Variants in ITIH5 observed in about 807,000 individuals in gnomAD.
ITIH5 encodes the protein inter-alpha-trypsin inhibitor heavy chain H5.
A neutral mutation model predicts 77.5 loss-of-function variants in ITIH5; 65 were observed. The ratio of observed to expected loss-of-function variants is 0.84; its 90% CI spans 0.69 to 1.03. The LOEUF is 1.03. ITIH5 is among the 50% of genes least tolerant of loss of function. The pLI is 0.00. For synonymous variants in ITIH5, 525 were observed against 494.3 expected, an observed-to-expected ratio of 1.06 and a Z score of -0.82; for missense variants, 1,208 against 1,213.1, an observed-to-expected ratio of 1.00 and a Z score of 0.06.
At chr10:7,636,729 G>C (rs1422832581) in intron 5 of ITIH5, among the ~76,000 whole-genome samples, 2 of 151,966 alleles carry the variant, frequency 1.3e-5, no homozygotes, top group African/African-American at 4.8e-5. Context: ...TTAATCTCCT[G>C]TTACAGCATG....
Position 7,560,830 on chromosome 10 carries a change from A to C in ITIH5, c.*2253T>G, listed in dbSNP as rs1832027503. On this transcript the variant is annotated 3_prime_UTR_variant, in exon 14 of 14. Coordinates refer to ENST00000397146, the MANE Select transcript of ITIH5 (RefSeq NM_030569.7). ...CCAGATGGTGAAACAGGGTCAAAGC[A>C]AACAAAATGATTCTGGAGGTTCAGT... 1 of 152,216 alleles carries C rather than the reference A, an allele frequency of 6.6e-6. No individual in the cohort carries two copies. Among genetic ancestry groups the C allele is most frequent in the Admixed American group, 6.5e-5 (1 of 15,288 alleles). The allele number at this position is 152,216 out of a possible 1,614,324, so 9.4% of individuals were successfully genotyped here. A position where few individuals can be genotyped will look rare whatever the true frequency, so the allele number is the denominator to read the frequency against.
chr10:7,629,315 G>A lies in ITIH5; in HGVS notation c.652+7913C>T, dbSNP rs112469101. On this transcript the variant is annotated intron_variant, in intron 5 of 13. Transcript: ENST00000397146. ...TTGTAGCGTGTGTCCATGTTGTAGC[G>A]TGTGCCCATGTTGTAGCGTGTGCCC... Among the ~76,000 whole-genome samples the A allele has an allele frequency of 2.9e-3, 236 of 82,358 alleles. 14 individuals carry two copies. Among genetic ancestry groups the A allele is most frequent in the East Asian group, 4.9e-3 (12 of 2,430 alleles). 54.0% of individuals were successfully genotyped at this position (82,358 alleles called of 152,430 possible).
chr10:7,598,651 C>T (rs778933023), intron 7 of ITIH5, among the ~76,000 whole-genome samples: 1 of 152,120 alleles, frequency 6.6e-6, no homozygotes, highest in Non-Finnish European at 1.5e-5. Context: ...TATCGCAACT[C>T]TGATTCAAAA....
At chr10:7,647,189 T>C (rs967338199) in intron 2 of ITIH5, among the ~76,000 whole-genome samples, 2 of 152,226 alleles carry the variant, frequency 1.3e-5, no homozygotes, top group Non-Finnish European at 2.9e-5. Flanking sequence ...GTCCCTGCTC[T>C]CTCATTCATC....
rs749845097 is a variant in ITIH5, at chr10:7,642,059, A to G, written c.167T>C (p.Val56Ala). 8 of 1,614,100 alleles carry G rather than the reference A, an allele frequency of 5.0e-6. No individual in the cohort carries two copies. Among genetic ancestry groups the G allele is most frequent in the Non-Finnish European group, 6.8e-6 (8 of 1,179,940 alleles). ...KTKPLMTEFS[V>A]KSTIISRYAF... ...ATAACGGGAAATGATGGTAGACTTC[A>G]CTGAGAATTCTGTCATCAAAGGTTT... Residue 56 changes from valine to alanine, a missense_variant, in exon 3 of 14, where the codon GTG (valine) becomes GCG (alanine). Transcript: ENST00000397146.
chr10:7,628,851 GT>G lies in ITIH5; in HGVS notation c.652+8376del, dbSNP rs1372217817. On this transcript the variant is annotated intron_variant, in intron 5 of 13. Coordinates refer to ENST00000397146, the MANE Select transcript of ITIH5 (RefSeq NM_030569.7). ...AGCGTGTGTCCCTGTTGTAGCGTGT[GT>G]CCCTGTTGTAGCGTGTGTCCGTGTT... Among the ~76,000 whole-genome samples the G allele has an allele frequency of 6.2e-5, 9 of 145,394 alleles. 1 individual carries two copies. The highest frequency in any genetic ancestry group is 1.2e-4 in the Non-Finnish European group (8 of 64,136).
At chr10:7,594,436 C>T (rs191539016) in intron 7 of ITIH5, among the ~76,000 whole-genome samples, 1 of 152,274 alleles carries the variant, frequency 6.6e-6, no homozygotes, top group East Asian at 1.9e-4. Flanking sequence ...CTGCTTGAGA[C>T]AGGTACCCCC....
chr10:7,609,595 T>C, intron 7 of ITIH5: 2 of 404,314 alleles, frequency 4.9e-6, no homozygotes, highest in South Asian at 1.8e-5. Context: ...ACTTGACTAA[T>C]TCACGTTTGC....
At chr10:7,569,082 T>C (rs1832246493) in intron 12 of ITIH5, 2 of 145,018 alleles carry the variant, frequency 1.4e-5, no homozygotes, top group South Asian at 2.3e-4. Context: ...AGTGGCATGA[T>C]CTCAGCTCAC....
intron 5 of ITIH5, chr10:7,621,588 G>C (rs1248680144): frequency 6.6e-6 from 1 of 152,182 alleles, no homozygotes; most frequent in African/African-American, 2.4e-5. Context: ...GGAAGAAGCA[G>C]ACAGTAAATG....
chr10:7,640,137 G>T (rs1030040981), intron 4 of ITIH5, among the ~76,000 whole-genome samples: 2 of 122,156 alleles, frequency 1.6e-5, no homozygotes, highest in Non-Finnish European at 3.4e-5. Flanking sequence ...TTTAGAGTTA[G>T]GGGGTAACTA....
chr10:7,659,868 C>T (rs1834247161), intron 1 of ITIH5, among the ~76,000 whole-genome samples: 1 of 152,128 alleles, frequency 6.6e-6, no homozygotes, highest in South Asian at 2.1e-4. Context: ...ATACCATCAT[C>T]GTTTTTAGTT....
intron 5 of ITIH5, among the ~76,000 whole-genome samples, chr10:7,631,698 G>A (rs769491752): frequency 3.9e-5 from 6 of 152,150 alleles, no homozygotes; most frequent in South Asian, 2.1e-4. Context: ...AAAACTTGTC[G>A]GTGGAAAAGA....
chr10:7,559,624 G>A lies in ITIH5; in HGVS notation c.*3459C>T, dbSNP rs76061127. On this transcript the variant is annotated 3_prime_UTR_variant, in exon 14 of 14. Transcript: ENST00000397146. The stretch of plus-strand genomic sequence containing the variant: ...AAGAATTAACGTTTTGAATGATTTG[G>A]TGTCTTAGTCAGCTTGGGCTGCCTT... 0.028 allele frequency: 7,714 copies of A among 271,954 alleles called. 590 individuals carry two copies. Among genetic ancestry groups the A allele is most frequent in the African/African-American group, 0.16 (7,090 of 43,744 alleles). The allele number at this position is 271,954 out of a possible 1,614,324, so 16.8% of individuals were successfully genotyped here. A position where few individuals can be genotyped will look rare whatever the true frequency, so the allele number is the denominator to read the frequency against.
intron 7 of ITIH5, among the ~76,000 whole-genome samples, chr10:7,611,075 G>C (rs1397616129): frequency 6.6e-6 from 1 of 152,194 alleles, no homozygotes; most frequent in Non-Finnish European, 1.5e-5. Context: ...TTGCACTTCT[G>C]CCAGCTGCAT....
intron 5 of ITIH5, among the ~76,000 whole-genome samples, chr10:7,629,295 G>A (rs1480991753): frequency 1.8e-5 from 2 of 113,946 alleles, no homozygotes; most frequent in African/African-American, 4.1e-5. Flanking sequence ...CCCTGTTGTA[G>A]CGTGTGTCCA....
At chr10:7,644,365 A>G (rs905941313) in intron 2 of ITIH5, among the ~76,000 whole-genome samples, 2 of 146,822 alleles carry the variant, frequency 1.4e-5, no homozygotes, top group Admixed American at 6.9e-5. Context: ...TATCATATAT[A>G]TCACATATAT....
At chr10:7,618,078 C>T (rs1833404191) in intron 5 of ITIH5, 1 of 151,940 alleles carries the variant, frequency 6.6e-6, no homozygotes, top group Admixed American at 6.6e-5. Flanking sequence ...ATTCTCTCAC[C>T]TCAGCCTGCC....
At chr10:7,644,274 CGT>C (rs1564277019) in intron 2 of ITIH5, among the ~76,000 whole-genome samples, 6 of 147,602 alleles carry the variant, frequency 4.1e-5, no homozygotes, top group Admixed American at 2.7e-4. Context: ...CATATATGTG[CGT>C]GTGTATATAT....
Sources: gnomAD v4.1 joint callset for allele counts (sites outside exome capture counted in the v4.1 genomes callset) on GRCh38, gnomAD v4.1.1 for gene constraint, MANE v1.5 for transcripts, NCBI Gene and HGNC (gene_info 2026-07-23, HGNC 2026-07-21) for gene names.